The following DAZAP2 variants were observed in gnomAD, a reference collection of about 807,000 sequenced individuals.
DAZAP2 encodes DAZ associated protein 2, also known as DAZ-associated protein 2.
Under a neutral mutation model 16.2 loss-of-function variants are expected in DAZAP2, and 3 were observed. The ratio of observed to expected loss-of-function variants is 0.19; its 90% CI spans 0.08 to 0.48. DAZAP2 has a LOEUF of 0.48. Among genes scored for constraint, DAZAP2 ranks in the 20% least tolerant of loss-of-function variants. DAZAP2 has a pLI of 0.98. For missense variants in DAZAP2, 172 were observed against 215.9 expected (o/e 0.80, Z 1.27); for synonymous variants, 69 against 77.6 (o/e 0.89, Z 0.58).
downstream of DAZAP2, chr12:51,246,638 GTA>G: frequency 4.8e-6 from 3 of 629,506 alleles, no homozygotes. Context: ...GTGTGTGTGT[GTA>G]ATATAACTTA....
chr12:51,240,935 C>T lies in DAZAP2; in HGVS notation c.197C>T (p.Pro66Leu). 1 of 1,614,212 alleles carries T rather than the reference C, an allele frequency of 6.2e-7. No individual in the cohort carries two copies. Among genetic ancestry groups the T allele is most frequent in the African/African-American group, 1.3e-5 (1 of 75,060 alleles). Residue 66 changes from proline to leucine, a missense_variant, in exon 3 of 4, where the codon CCT becomes CTT. Physicochemically the swap from Pro to Leu is moderately conservative, Grantham distance 98 (BLOSUM62 -3). Coordinates refer to ENST00000412716, the MANE Select transcript of DAZAP2 (RefSeq NM_014764.4). ...ATVPTMSAAF[P>L]GASLYLPMAQ... ...GTCCCCACCATGTCAGCCGCATTTC[C>T]TGGAGCCTCTCTGTATCTTCCCATG... is the stretch of plus-strand genomic sequence containing the variant.
Position 51,242,918 on chromosome 12 carries a change from C to G in DAZAP2, c.*460C>G, listed in dbSNP as rs1050309711. On this transcript the variant is annotated 3_prime_UTR_variant, in exon 4 of 4. Coordinates refer to ENST00000412716, the MANE Select transcript of DAZAP2 (RefSeq NM_014764.4). ...GAACGCATTAGTTGTCTGCCTTTTC[C>G]TTTCCATCCCTTGCCCCACCCATCC... 4 of 1,140,022 alleles carry G rather than the reference C, an allele frequency of 3.5e-6. No homozygotes were observed. The highest frequency in any genetic ancestry group is 3.3e-5 in the African/African-American group (2 of 61,210). The allele number at this position is 1,140,022 out of a possible 1,614,324, so 70.6% of individuals were successfully genotyped here. A position where few individuals can be genotyped will look rare whatever the true frequency, so the allele number is the denominator to read the frequency against.
In DAZAP2 at chr12:51,243,713, G is replaced by C; in HGVS notation, c.*1255G>C. ...CTACACTGTGGTGCACTTAACTTGTGGAATTTTTATACTAAAAATGTAGAA... is the reference window on the plus strand; with the variant it reads ...CTACACTGTGGTGCACTTAACTTGTCGAATTTTTATACTAAAAATGTAGAA... On this transcript the variant is annotated 3_prime_UTR_variant, in exon 4 of 4. Transcript: ENST00000412716. 1.0e-6 allele frequency: 1 copy of C among 985,444 alleles called. No individual in the cohort carries two copies. The highest frequency in any genetic ancestry group is 1.7e-5 in the African/African-American group (1 of 57,316). 61.0% of individuals were successfully genotyped at this position (985,444 alleles called of 1,614,324 possible).
rs1239091837 is a variant in DAZAP2, at chr12:51,240,917, C to T, written c.179C>T (p.Thr60Ile). 1 of 1,614,232 alleles carries T rather than the reference C, an allele frequency of 6.2e-7. No individual in the cohort carries two copies. The highest frequency in any genetic ancestry group is 8.5e-7 in the Non-Finnish European group (1 of 1,180,038). Residue 60 changes from threonine (T) to isoleucine (I), a missense_variant, in exon 3 of 4, where the codon ACC (threonine) becomes ATC (isoleucine). By Grantham distance (89) the Thr-to-Ile change is moderately conservative. Transcript: ENST00000412716. ...CACCCAGGGGCTGCCACAGTCCCCA[C>T]CATGTCAGCCGCATTTCCTGGAGCC... ...FVHPGAATVP[T>I]MSAAFPGASL...
At chr12:51,239,331 G>A (rs191656689) in intron 1 of DAZAP2, 29 of 209,058 alleles carry the variant, frequency 1.4e-4, no homozygotes, top group Middle Eastern at 1.9e-3. Context: ...GCCGGGGCCT[G>A]TGAGGTCTCT....
At chr12:51,240,317 A>G in intron 1 of DAZAP2, 26 bp from the exon 2 acceptor site, 1 of 1,591,124 alleles carries the variant, frequency 6.3e-7, no homozygotes, top group Non-Finnish European at 8.6e-7. Context: ...GTAGTAGGCA[A>G]CCTTCATTTT....
In DAZAP2 at chr12:51,238,843, G is replaced by T; in HGVS notation, c.-65G>T. The stretch of plus-strand genomic sequence containing the variant: ...CATCATGTGACACGGAAGTAGCTCC[G>T]AACAGGAAGAGGACGAAAAAAATAA... On this transcript the variant is annotated 5_prime_UTR_variant, in exon 1 of 4. Coordinates refer to ENST00000412716, the MANE Select transcript of DAZAP2 (RefSeq NM_014764.4). 1.2e-6 allele frequency: 2 copies of T among 1,611,176 alleles called. No individual in the cohort carries two copies. The highest frequency in any genetic ancestry group is 2.2e-5 in the South Asian group (2 of 91,008).
chr12:51,241,193 T>TA (rs746945456), intron 3 of DAZAP2, 77 bp downstream of exon 3: 29 of 1,563,666 alleles, frequency 1.9e-5, no homozygotes, highest in Non-Finnish European at 2.4e-5. Context: ...TTCATTCTCT[T>TA]ACCATTTCTG....
chr12:51,246,604 C>CTCTG (rs148976171), downstream of DAZAP2: 166 of 338,216 alleles, frequency 4.9e-4, 1 homozygote, highest in African/African-American at 3.2e-3. Context: ...TCTTTTATGG[C>CTCTG]TGTGTGTGTG....
intron 2 of DAZAP2, 30 bp downstream of exon 2, chr12:51,240,491 CT>C: frequency 1.9e-6 from 3 of 1,549,806 alleles, no homozygotes; most frequent in Non-Finnish European, 2.7e-6. Context: ...TTTGAACTAG[CT>C]GGGAATACTC....
Position 51,242,874 on chromosome 12 carries a change from A to G in DAZAP2, c.*416A>G. The G allele has an allele frequency of 4.6e-6, 6 of 1,309,984 alleles. No individual in the cohort carries two copies. Among genetic ancestry groups the G allele is most frequent in the Non-Finnish European group, 2.9e-6 (3 of 1,032,136 alleles). 81.1% of individuals were successfully genotyped at this position (1,309,984 alleles called of 1,614,324 possible). ...TTAATCTCCTTTAAGTCTTTGATATATATTACTTGTTATAAATGGAACGCA... is the reference window on the plus strand; with the variant it reads ...TTAATCTCCTTTAAGTCTTTGATATGTATTACTTGTTATAAATGGAACGCA... On this transcript the variant is annotated 3_prime_UTR_variant, in exon 4 of 4. Transcript: ENST00000412716.
Position 51,243,910 on chromosome 12 carries a change from A to G in DAZAP2, c.*1452A>G. 1.0e-6 allele frequency: 1 copy of G among 985,344 alleles called. No homozygotes were observed. The highest frequency in any genetic ancestry group is 1.7e-5 in the African/African-American group (1 of 57,336). 61.0% of individuals were successfully genotyped at this position (985,344 alleles called of 1,614,324 possible). Reference sequence around the variant, plus strand: ...CTGTTTCCTTTGATGACGCTTTGAAATAAAGGCAGGAGTACAAGCCTAAGA... The same window carrying G: ...CTGTTTCCTTTGATGACGCTTTGAAGTAAAGGCAGGAGTACAAGCCTAAGA... On this transcript the variant is annotated 3_prime_UTR_variant, in exon 4 of 4. Transcript: ENST00000412716.
At position 51,240,859 on chromosome 12, in the gene DAZAP2, T is replaced by C; in HGVS notation, c.133-12T>C. The C allele has an allele frequency of 1.2e-6, 2 of 1,609,620 alleles. No individual in the cohort carries two copies. The highest frequency in any genetic ancestry group is 1.7e-6 in the Non-Finnish European group (2 of 1,176,546). On this transcript the variant is annotated splice_polypyrimidine_tract_variant and intron_variant, in intron 2 of 3. Transcript: ENST00000412716. ...TAAAGTAACATTTTGCCTTCTCTTC[T>C]GCCTCTTCTAGCTCTATCGTCCGAG...
At chr12:51,246,427 CAGGA>C (rs1944770494), downstream of DAZAP2, 2 of 450,194 alleles carry the variant, frequency 4.4e-6, no homozygotes, top group Non-Finnish European at 7.9e-6. Context: ...CTTATCCTAA[CAGGA>C]AGTGGTTTAT....
intron 3 of DAZAP2, among the ~76,000 whole-genome samples, chr12:51,241,890 C>T (rs1158944887): frequency 6.6e-6 from 1 of 151,278 alleles, no homozygotes; most frequent in East Asian, 1.9e-4. Context: ...CACTGCACTC[C>T]AGCCTGGGCG....
At chr12:51,239,068 C>A in intron 1 of DAZAP2, 148 bp downstream of exon 1, 1 of 1,147,920 alleles carries the variant, frequency 8.7e-7, no homozygotes, top group Non-Finnish European at 1.2e-6. Flanking sequence ...CTGCGCCTGA[C>A]GCCTTCGTCA....
downstream of DAZAP2, among the ~76,000 whole-genome samples, chr12:51,244,127 G>C (rs1225071684): frequency 6.6e-6 from 1 of 152,176 alleles, no homozygotes; most frequent in African/African-American, 2.4e-5. Context: ...ATGACCTTTA[G>C]TTTCTCCAAT....
Position 51,242,598 on chromosome 12 carries a change from C to A in DAZAP2, c.*140C>A, listed in dbSNP as rs746420669. ...GGTGTCTTTCTGGTGCCCAAACTTT[C>A]AGGCACTTTTCAAATTTAATAAGGA... On this transcript the variant is annotated 3_prime_UTR_variant, in exon 4 of 4. Coordinates refer to ENST00000412716, the MANE Select transcript of DAZAP2 (RefSeq NM_014764.4). The A allele has an allele frequency of 5.6e-6, 9 of 1,595,052 alleles. No homozygotes were observed. Among genetic ancestry groups the A allele is most frequent in the Non-Finnish European group, 7.7e-6 (9 of 1,170,576 alleles).
At chr12:51,239,031 C>T in intron 1 of DAZAP2, 111 bp downstream of exon 1, 3 of 1,484,260 alleles carry the variant, frequency 2.0e-6, no homozygotes, top group South Asian at 1.2e-5. Flanking sequence ...CTGCGCCATG[C>T]TCCTTGGCCG....
Sources: gnomAD v4.1 joint callset for allele counts (sites outside exome capture counted in the v4.1 genomes callset) on GRCh38, gnomAD v4.1.1 for gene constraint, MANE v1.5 for transcripts, NCBI Gene and HGNC (gene_info 2026-07-23, HGNC 2026-07-21) for gene names.